Variants in NKAIN3 observed in about 807,000 individuals in gnomAD.
NKAIN3 encodes sodium/potassium transporting ATPase interacting 3, also known as sodium/potassium-transporting ATPase subunit beta-1-interacting protein 3.
NKAIN3 carries 25 observed loss-of-function variants against 30.2 expected under a neutral mutation model. That is an observed-to-expected ratio of 0.83 (90% confidence interval 0.60 to 1.16). The LOEUF (loss-of-function observed/expected upper bound fraction) is 1.16, where lower values mean the gene tolerates loss of function less well. Ranked by LOEUF, NKAIN3 falls within the 50% of genes most tolerant of loss-of-function variation. The pLI is 0.00. For synonymous variants in NKAIN3, 91 were observed against 89.6 expected (o/e 1.02, Z -0.09); for missense variants, 225 against 254.1 (o/e 0.89, Z 0.78).
chr8:62,947,935 C>T (rs889215614), intron 5 of NKAIN3, among the ~76,000 whole-genome samples: 9 of 152,316 alleles, frequency 5.9e-5, no homozygotes, highest in Admixed American at 5.2e-4. Context: ...TCTGCTCAGA[C>T]GTGCCAATAC....
chr8:62,881,206 T>C (rs568092479), intron 4 of NKAIN3, among the ~76,000 whole-genome samples: 3 of 152,330 alleles, frequency 2.0e-5, no homozygotes, highest in East Asian at 3.9e-4. Context: ...TTTGGACTAA[T>C]GTATAATGAC....
At chr8:62,822,358 G>A (rs1439524431) in intron 4 of NKAIN3, among the ~76,000 whole-genome samples, 1 of 152,104 alleles carries the variant, frequency 6.6e-6, no homozygotes, top group East Asian at 1.9e-4. Context: ...AGTGTTTCAA[G>A]AACATTAATA....
chr8:62,783,982 T>G (rs1817439189), intron 4 of NKAIN3, among the ~76,000 whole-genome samples: 1 of 152,014 alleles, frequency 6.6e-6, no homozygotes, highest in African/African-American at 2.4e-5. Flanking sequence ...TGCAGCATTT[T>G]CCAGGACAGA....
In NKAIN3 at chr8:62,984,415, C is replaced by A. The variant is rs1375375667; in HGVS notation, c.*19008C>A. ...TTTTTTTTTTAAATCTCTCAATCTT[C>A]AAATAATTCTTAGATTGCTTGCCAG... On this transcript the variant is annotated 3_prime_UTR_variant, in exon 7 of 7. Coordinates refer to ENST00000623646, the MANE Select transcript of NKAIN3 (RefSeq NM_001304533.3). 6.6e-6 allele frequency: 1 copy of A among 152,066 alleles called. No homozygotes were observed. The highest frequency in any genetic ancestry group is 1.5e-5 in the Non-Finnish European group (1 of 68,012). 9.4% of individuals were successfully genotyped at this position (152,066 alleles called of 1,614,324 possible).
intron 1 of NKAIN3, among the ~76,000 whole-genome samples, chr8:62,409,667 ATGT>A (rs2129595773): frequency 6.6e-6 from 1 of 152,176 alleles, no homozygotes; most frequent in South Asian, 2.1e-4. Context: ...TTTATTTAAA[ATGT>A]TATTTTATCT....
At chr8:62,956,048 T>C (rs1385141229) in intron 6 of NKAIN3, among the ~76,000 whole-genome samples, 1 of 152,228 alleles carries the variant, frequency 6.6e-6, no homozygotes, top group East Asian at 1.9e-4. Context: ...TAAGACTGAA[T>C]TGAAATCATT....
intron 4 of NKAIN3, among the ~76,000 whole-genome samples, chr8:62,776,870 A>G (rs1400476289): frequency 6.6e-6 from 1 of 152,176 alleles, no homozygotes; most frequent in Admixed American, 6.5e-5. Flanking sequence ...AACTCCCTGT[A>G]GCATTTCTTG....
At chr8:62,726,787 A>G (rs1815272318) in intron 3 of NKAIN3, among the ~76,000 whole-genome samples, 1 of 152,082 alleles carries the variant, frequency 6.6e-6, no homozygotes, top group East Asian at 1.9e-4. Flanking sequence ...AGAAGAAATT[A>G]TGCTATTGTT....
At chr8:62,667,557 T>C (rs1024776190) in intron 3 of NKAIN3, among the ~76,000 whole-genome samples, 3 of 151,732 alleles carry the variant, frequency 2.0e-5, no homozygotes, top group Admixed American at 2.0e-4. Flanking sequence ...AAGACAACTC[T>C]ACCTTCCAAA....
downstream of NKAIN3, among the ~76,000 whole-genome samples, chr8:62,989,727 A>G (rs1824280254): frequency 6.6e-6 from 1 of 152,180 alleles, no homozygotes; most frequent in Non-Finnish European, 1.5e-5. Flanking sequence ...ATATGTATAT[A>G]TATAATTATT....
At chr8:62,957,335 C>T (rs906923827) in intron 6 of NKAIN3, among the ~76,000 whole-genome samples, 2 of 152,146 alleles carry the variant, frequency 1.3e-5, no homozygotes, top group South Asian at 2.1e-4. Context: ...GGGGTTTCAC[C>T]GTGTTAGCCA....
At chr8:62,683,971 C>A in intron 3 of NKAIN3, among the ~76,000 whole-genome samples, 1 of 152,206 alleles carries the variant, frequency 6.6e-6, no homozygotes. Flanking sequence ...AGCTAGTCTC[C>A]CCAGTATTAG....
At chr8:62,562,056 C>A (rs996624445) in intron 1 of NKAIN3, among the ~76,000 whole-genome samples, 1 of 152,126 alleles carries the variant, frequency 6.6e-6, no homozygotes, top group Non-Finnish European at 1.5e-5. Flanking sequence ...CATATGACCA[C>A]CTGCATCAGA....
At chr8:62,928,322 T>TTC (rs1177497072) in intron 5 of NKAIN3, among the ~76,000 whole-genome samples, 1 of 152,102 alleles carries the variant, frequency 6.6e-6, no homozygotes, top group Non-Finnish European at 1.5e-5. Flanking sequence ...ATCTTTCTCT[T>TTC]TCTCTCTCTC....
At chr8:62,544,930 G>T (rs1808960245) in intron 1 of NKAIN3, among the ~76,000 whole-genome samples, 1 of 152,148 alleles carries the variant, frequency 6.6e-6, no homozygotes. Context: ...GGAGAAAAGA[G>T]AATATTATTA....
At chr8:62,811,597 G>A (rs1432341832) in intron 4 of NKAIN3, among the ~76,000 whole-genome samples, 1 of 146,530 alleles carries the variant, frequency 6.8e-6, no homozygotes, top group African/African-American at 2.5e-5. Context: ...TATCATTGTG[G>A]TTTTAATTTG....
intron 4 of NKAIN3, among the ~76,000 whole-genome samples, chr8:62,809,181 T>G (rs1818403958): frequency 6.6e-6 from 1 of 152,228 alleles, no homozygotes; most frequent in Non-Finnish European, 1.5e-5. Flanking sequence ...GTTATCCTGT[T>G]CCTTTTTCAA....
chr8:62,717,149 TA>T (rs1211562031), intron 3 of NKAIN3, among the ~76,000 whole-genome samples: 3 of 152,234 alleles, frequency 2.0e-5, no homozygotes, highest in Non-Finnish European at 4.4e-5. Context: ...AAGAGTTTCA[TA>T]CCCAGAATGT....
chr8:62,851,244 T>G (rs1819886577), intron 4 of NKAIN3, among the ~76,000 whole-genome samples: 2 of 152,174 alleles, frequency 1.3e-5, no homozygotes, highest in African/African-American at 4.8e-5. Flanking sequence ...CCCTCATGAT[T>G]TGGCTCTCTG....
Sources: gnomAD v4.1 joint callset for allele counts (sites outside exome capture counted in the v4.1 genomes callset) on GRCh38, gnomAD v4.1.1 for gene constraint, MANE v1.5 for transcripts, NCBI Gene and HGNC (gene_info 2026-07-23, HGNC 2026-07-21) for gene names.